ZFYVE9: variants seen among roughly 807,000 people sequenced by gnomAD.
ZFYVE9 encodes the protein zinc finger FYVE-type containing 9.
A neutral mutation model predicts 126.7 loss-of-function variants in ZFYVE9; 43 were observed. That is an observed-to-expected ratio of 0.34 (90% confidence interval 0.27 to 0.44). ZFYVE9 has a LOEUF of 0.44. ZFYVE9 is among the 20% of genes least tolerant of loss of function. ZFYVE9 has a pLI of 1.00. For missense variants in ZFYVE9, 1,476 were observed against 1,697.0 expected (o/e 0.87, Z 2.29); for synonymous variants, 521 against 597.4 (o/e 0.87, Z 1.87).
chr1:52,151,319 T>A (rs1644354277), intron 1 of ZFYVE9, among the ~76,000 whole-genome samples: 1 of 152,178 alleles, frequency 6.6e-6, no homozygotes, highest in African/African-American at 2.4e-5. Context: ...AAGGATATTA[T>A]AAGGTCATTA....
rs1295428115 is a variant in ZFYVE9, at chr1:52,186,207, T to C, written c.-142-30162T>C. On this transcript the variant is annotated intron_variant, in intron 1 of 18. Transcript: ENST00000287727. ...GTGAGCCAAGATCATGCCACTGCAC[T>C]CCAGCCTGGGTGACAGAGCGAGACT... is the stretch of plus-strand genomic sequence containing the variant. Among the ~76,000 whole-genome samples the C allele has an allele frequency of 7.5e-5, 11 of 146,126 alleles. No homozygotes were observed. In the Admixed American group the frequency reaches 7.6e-4, roughly 10 times the overall value.
At chr1:52,242,821 T>C (rs932056497) in intron 4 of ZFYVE9, among the ~76,000 whole-genome samples, 3 of 152,354 alleles carry the variant, frequency 2.0e-5, no homozygotes, top group Middle Eastern at 6.8e-3. Context: ...GTAATTGATA[T>C]TGTGATTTTA....
At chr1:52,321,670 C>T (rs1343878064) in intron 13 of ZFYVE9, among the ~76,000 whole-genome samples, 2 of 152,238 alleles carry the variant, frequency 1.3e-5, no homozygotes, top group Non-Finnish European at 2.9e-5. Flanking sequence ...AAACTCCTGG[C>T]TTTCCCTGTC....
intron 4 of ZFYVE9, among the ~76,000 whole-genome samples, chr1:52,240,521 T>G (rs1645322335): frequency 6.6e-6 from 1 of 152,164 alleles, no homozygotes; most frequent in Non-Finnish European, 1.5e-5. Context: ...TAGGGTGCTT[T>G]CAACTTCAAG....
chr1:52,149,947 A>G (rs1324286566), intron 1 of ZFYVE9, among the ~76,000 whole-genome samples: 1 of 152,214 alleles, frequency 6.6e-6, no homozygotes, highest in Non-Finnish European at 1.5e-5. Flanking sequence ...TGTTTGCAAT[A>G]TAGTTTGGTT....
chr1:52,226,072 C>T (rs1310354076), intron 2 of ZFYVE9, among the ~76,000 whole-genome samples: 6 of 152,080 alleles, frequency 3.9e-5, no homozygotes, highest in Admixed American at 3.3e-4. Context: ...CAGATTGGTT[C>T]GATCAGGTAT....
At chr1:52,160,233 A>T in intron 1 of ZFYVE9, 2 of 810,256 alleles carry the variant, frequency 2.5e-6, no homozygotes, top group African/African-American at 1.7e-5. Flanking sequence ...GCATCACGAC[A>T]GGATGGACTT....
chr1:52,239,337 T>G lies in ZFYVE9; in HGVS notation c.1920T>G (p.Ser640=). The G allele has an allele frequency of 6.2e-7, 1 of 1,614,222 alleles. No individual in the cohort carries two copies. The highest frequency in any genetic ancestry group is 8.5e-7 in the Non-Finnish European group (1 of 1,180,018). ...NVCSPSLGNI[S]NVDTNGEHLE... Reference sequence around the variant, plus strand: ...GCAGTCCATCTTTGGGAAACATCTCTAATGTCGATACAAATGGGGAACATT... The same window carrying G: ...GCAGTCCATCTTTGGGAAACATCTCGAATGTCGATACAAATGGGGAACATT... Residue 640 remains serine, a synonymous_variant, in exon 4 of 19, where the codon TCT becomes TCG. Transcript: ENST00000287727.
chr1:52,158,811 T>A (rs547658620), intron 1 of ZFYVE9, among the ~76,000 whole-genome samples: 2 of 152,166 alleles, frequency 1.3e-5, no homozygotes, highest in South Asian at 2.1e-4. Flanking sequence ...TTGTATTTTT[T>A]TTTTTTTTTG....
At chr1:52,285,718 A>G (rs1035148326) in intron 10 of ZFYVE9, among the ~76,000 whole-genome samples, 1 of 152,188 alleles carries the variant, frequency 6.6e-6, no homozygotes, top group African/African-American at 2.4e-5. Flanking sequence ...ACATATTACA[A>G]TGTAATAATA....
At chr1:52,236,233 A>T (rs963170417) in intron 3 of ZFYVE9, among the ~76,000 whole-genome samples, 2 of 152,126 alleles carry the variant, frequency 1.3e-5, no homozygotes, top group African/African-American at 4.8e-5. Flanking sequence ...ATATTCACTT[A>T]TATATTTACT....
intron 9 of ZFYVE9, among the ~76,000 whole-genome samples, chr1:52,279,249 C>G (rs982545513): frequency 1.3e-5 from 2 of 152,056 alleles, no homozygotes; most frequent in Non-Finnish European, 2.9e-5. Context: ...CAACTTACCA[C>G]CAGAATAACT....
At chr1:52,339,007 T>G (rs931987437) in intron 16 of ZFYVE9, among the ~76,000 whole-genome samples, 1 of 151,922 alleles carries the variant, frequency 6.6e-6, no homozygotes, top group African/African-American at 2.4e-5. Flanking sequence ...CGAAACTCTG[T>G]CTCAAGAAAA....
intron 13 of ZFYVE9, among the ~76,000 whole-genome samples, chr1:52,324,373 A>G (rs1320590107): frequency 6.6e-6 from 1 of 152,230 alleles, no homozygotes; most frequent in African/African-American, 2.4e-5. Context: ...GCCTCTGGAC[A>G]CTAGTGAATT....
intron 14 of ZFYVE9, among the ~76,000 whole-genome samples, chr1:52,333,571 AGAGGC>A (rs776451806): frequency 3.3e-4 from 50 of 152,204 alleles, no homozygotes; most frequent in Admixed American, 4.6e-4. Flanking sequence ...GCATTGCTCA[AGAGGC>A]GTTACCCAAA....
intron 10 of ZFYVE9, among the ~76,000 whole-genome samples, chr1:52,286,579 A>G (rs1645863208): frequency 6.6e-6 from 1 of 152,186 alleles, no homozygotes; most frequent in Non-Finnish European, 1.5e-5. Flanking sequence ...TGTAGACTAT[A>G]TATTGTTTCT....
intron 4 of ZFYVE9, among the ~76,000 whole-genome samples, chr1:52,260,203 T>TA (rs200286616): frequency 4.7e-5 from 7 of 150,470 alleles, no homozygotes; most frequent in South Asian, 2.1e-4. Context: ...TATCAGTGTT[T>TA]AAAAAAAAAA....
At position 52,239,470 on chromosome 1, in the gene ZFYVE9, C is replaced by T. The variant is rs761504416; in HGVS notation, c.2053C>T (p.Pro685Ser). 9.3e-6 allele frequency: 15 copies of T among 1,614,018 alleles called. No individual in the cohort carries two copies. Among genetic ancestry groups the T allele is most frequent in the Middle Eastern group, 1.6e-4 (1 of 6,084 alleles). Residue 685 changes from proline to serine, a missense_variant, in exon 4 of 19, where the codon CCA becomes TCA. Around this residue, in one of 2 missense-constraint regions of ZFYVE9, gnomAD observed 807 missense variants for 794.6 expected, o/e 1.02. Coordinates refer to ENST00000287727, the MANE Select transcript of ZFYVE9 (RefSeq NM_004799.4). ...TCAGTTTGGAATTTCTGCCAGAAAG[C>T]CATTCACCACTCTGGGTGAGGTGGC... ...AGQFGISARK[P>S]FTTLGEVAPV...
At chr1:52,268,797 C>T (rs1237892231) in intron 7 of ZFYVE9, among the ~76,000 whole-genome samples, 165 bp downstream of exon 7, 1 of 152,304 alleles carries the variant, frequency 6.6e-6, no homozygotes, top group African/African-American at 2.4e-5. Context: ...AGCTGCTGTT[C>T]TTTGCTGTAT....
Sources: gnomAD v4.1 joint callset for allele counts (sites outside exome capture counted in the v4.1 genomes callset) on GRCh38, gnomAD v4.1.1 for gene constraint, gnomAD v4.1.1 regional missense constraint, MANE v1.5 for transcripts, NCBI Gene and HGNC (gene_info 2026-07-23, HGNC 2026-07-21) for gene names.